SLC4A4: variants seen among roughly 807,000 people sequenced by gnomAD.
SLC4A4 encodes electrogenic sodium bicarbonate cotransporter 1.
A neutral mutation model predicts 111.5 loss-of-function variants in SLC4A4; 27 were observed. That is an observed-to-expected ratio of 0.24 (90% confidence interval 0.18 to 0.33). SLC4A4 has a LOEUF of 0.33. SLC4A4 is among the 10% of genes least tolerant of loss of function. The probability of loss-of-function intolerance (pLI) is 1.00; values close to 1 mark genes in which losing one functional copy is unlikely to be tolerated. For synonymous variants in SLC4A4, 443 were observed against 463.4 expected, an observed-to-expected ratio of 0.96 and a Z score of 0.57; for missense variants, 909 against 1,315.5, an observed-to-expected ratio of 0.69 and a Z score of 4.78.
chr4:71,249,507 C>T (rs998423540), intron 2 of SLC4A4, among the ~76,000 whole-genome samples: 3 of 152,018 alleles, frequency 2.0e-5, no homozygotes, highest in African/African-American at 7.3e-5. Flanking sequence ...GTATTTATAC[C>T]AGTAAATTAG....
chr4:71,087,567 C>A, intron 1 of SLC4A4, among the ~76,000 whole-genome samples: 1 of 152,014 alleles, frequency 6.6e-6, no homozygotes. Context: ...CCCCTACACA[C>A]TGCTTTGAAT....
chr4:71,296,292 C>G (rs1225573045), intron 3 of SLC4A4, among the ~76,000 whole-genome samples: 1 of 152,164 alleles, frequency 6.6e-6, no homozygotes, highest in Non-Finnish European at 1.5e-5. Flanking sequence ...AGTTATTCAT[C>G]TACTCTCTTC....
chr4:71,230,168 TG>T (rs1246383374), intron 1 of SLC4A4, among the ~76,000 whole-genome samples: 1 of 152,174 alleles, frequency 6.6e-6, no homozygotes, highest in Non-Finnish European at 1.5e-5. Context: ...CAGAAATGTG[TG>T]TATGAGTGTA....
At chr4:71,443,373 C>T (rs1170196415) in intron 8 of SLC4A4, among the ~76,000 whole-genome samples, 5 of 151,802 alleles carry the variant, frequency 3.3e-5, no homozygotes, top group Non-Finnish European at 7.4e-5. Flanking sequence ...TGGTCTCAAA[C>T]TCCTGACCTC....
In SLC4A4 at chr4:71,451,300, C is replaced by T. The variant is rs530167253; in HGVS notation, c.1321C>T (p.Arg441Trp). 2.2e-5 allele frequency: 34 copies of T among 1,578,406 alleles called. No individual in the cohort carries two copies. Among genetic ancestry groups the T allele is most frequent in the African/African-American group, 8.1e-5 (6 of 74,378 alleles). Residue 441 changes from arginine to tryptophan, a missense_variant and splice_region_variant, in exon 11 of 26, where the codon CGG becomes TGG. Around this residue, in one of 7 missense-constraint regions of SLC4A4, gnomAD observed 312 missense variants for 402.0 expected, o/e 0.78. Transcript: ENST00000264485. ...GDCEELQRTG[R>W]FCGGLIKDIK... ...TTGTGAAGAATTGCAGCGAACTGGACGGTAACTGACAGTTTCCTTTGCCAT... is the reference window on the plus strand; with the variant it reads ...TTGTGAAGAATTGCAGCGAACTGGATGGTAACTGACAGTTTCCTTTGCCAT...
At chr4:71,301,159 T>C (rs984378712) in intron 3 of SLC4A4, 2 of 320,560 alleles carry the variant, frequency 6.2e-6, no homozygotes, top group Admixed American at 3.7e-5. Context: ...TGGCAGTAGA[T>C]AGGAGCAGCA....
At chr4:71,319,267 A>G (rs1726940946) in intron 3 of SLC4A4, among the ~76,000 whole-genome samples, 1 of 151,840 alleles carries the variant, frequency 6.6e-6, no homozygotes. Flanking sequence ...GTCTTTGGAA[A>G]TCCTCATTCT....
intron 5 of SLC4A4, among the ~76,000 whole-genome samples, chr4:71,350,311 G>A (rs964385772): frequency 6.6e-5 from 10 of 151,854 alleles, no homozygotes; most frequent in Admixed American, 3.3e-4. Context: ...TGGCATTTTG[G>A]AATATTTCCT....
intron 24 of SLC4A4, among the ~76,000 whole-genome samples, chr4:71,564,501 A>G (rs7690073): frequency 0.91 from 138,285 of 151,868 alleles, 64,080 homozygotes; most frequent in Non-Finnish European, 0.99. Flanking sequence ...TAGCCTGGTG[A>G]CTACGGTGCA....
intron 24 of SLC4A4, among the ~76,000 whole-genome samples, chr4:71,566,457 T>G (rs1737479160): frequency 6.6e-6 from 1 of 151,620 alleles, no homozygotes; most frequent in African/African-American, 2.4e-5. Context: ...CCCTTCATCC[T>G]CTCAAAACCC....
intron 2 of SLC4A4, among the ~76,000 whole-genome samples, chr4:71,101,713 G>C (rs575686060): frequency 6.6e-6 from 1 of 152,270 alleles, no homozygotes; most frequent in South Asian, 2.1e-4. Context: ...TGAAGGTCCT[G>C]TCTGTTAGAA....
intron 7 of SLC4A4, among the ~76,000 whole-genome samples, chr4:71,430,556 T>C (rs1170917965): frequency 6.6e-6 from 1 of 152,152 alleles, no homozygotes; most frequent in Non-Finnish European, 1.5e-5. Flanking sequence ...TAGACAGAAA[T>C]GCACCTCAAA....
At chr4:71,511,748 C>T (rs1306630281) in intron 16 of SLC4A4, among the ~76,000 whole-genome samples, 1 of 151,958 alleles carries the variant, frequency 6.6e-6, no homozygotes, top group East Asian at 1.9e-4. Flanking sequence ...TACCTATAAC[C>T]AAATTTATTC....
intron 13 of SLC4A4, 152 bp downstream of exon 13, chr4:71,466,729 T>A (rs1727349218): frequency 1.3e-6 from 1 of 765,718 alleles, no homozygotes. Context: ...GCCTTAGCAA[T>A]TAGGTAGTCA....
At chr4:71,310,235 A>G (rs1310467933) in intron 3 of SLC4A4, among the ~76,000 whole-genome samples, 2 of 152,110 alleles carry the variant, frequency 1.3e-5, no homozygotes. Flanking sequence ...GATGGGGAGA[A>G]TGGAACCAAA....
At chr4:71,130,576 T>A (rs181828663) in intron 2 of SLC4A4, among the ~76,000 whole-genome samples, 1 of 152,312 alleles carries the variant, frequency 6.6e-6, no homozygotes, top group African/African-American at 2.4e-5. Context: ...ATTTTCAATA[T>A]GCTCTTAGCA....
chr4:71,497,254 T>C (rs1730497910), intron 15 of SLC4A4, among the ~76,000 whole-genome samples: 1 of 152,148 alleles, frequency 6.6e-6, no homozygotes. Context: ...AGTGGGCGAT[T>C]TTAAGGCTGT....
chr4:71,158,926 G>A (rs904022091), intron 2 of SLC4A4, among the ~76,000 whole-genome samples: 2 of 152,072 alleles, frequency 1.3e-5, no homozygotes, highest in Non-Finnish European at 2.9e-5. Flanking sequence ...TTTCACCTGG[G>A]ACACTTAAGG....
At chr4:71,166,337 G>A (rs906213178) in intron 2 of SLC4A4, among the ~76,000 whole-genome samples, 2 of 152,174 alleles carry the variant, frequency 1.3e-5, no homozygotes, top group Non-Finnish European at 2.9e-5. Context: ...AGTTTAGTTT[G>A]TTGCATTAAA....
Sources: allele counts gnomAD v4.1 joint callset (sites outside exome capture counted in the v4.1 genomes callset), GRCh38; gene constraint gnomAD v4.1.1; regional missense constraint gnomAD v4.1.1; transcripts MANE v1.5; gene names NCBI Gene and HGNC (gene_info 2026-07-23, HGNC 2026-07-21).